Variants in CABLES1 observed in about 807,000 individuals in gnomAD.
CABLES1 encodes Cdk5 and Abl enzyme substrate 1, also known as CDK5 and ABL1 enzyme substrate 1.
Under a neutral mutation model 57.8 loss-of-function variants are expected in CABLES1, and 36 were observed. The ratio of observed to expected loss-of-function variants is 0.62; its 90% confidence interval spans 0.48 to 0.82. CABLES1 has a LOEUF of 0.82. Among genes scored for constraint, CABLES1 ranks in the 40% least tolerant of loss-of-function variants. The probability of loss-of-function intolerance (pLI) is 0.00; values close to 1 mark genes in which losing one functional copy is unlikely to be tolerated. For missense variants in CABLES1, 767 were observed against 836.6 expected (o/e 0.92, Z 1.03); for synonymous variants, 374 against 363.0 (o/e 1.03, Z -0.35).
At chr18:23,139,765 C>T (rs1039382045) in intron 1 of CABLES1, among the ~76,000 whole-genome samples, 5 of 152,168 alleles carry the variant, frequency 3.3e-5, no homozygotes, top group Non-Finnish European at 7.3e-5. Flanking sequence ...GATAATCTAA[C>T]TTAGTTGGGC....
intron 4 of CABLES1, chr18:23,219,308 A>G: frequency 2.2e-6 from 1 of 454,168 alleles, no homozygotes; most frequent in East Asian, 6.9e-5. Context: ...CAAAATAGCA[A>G]AAACATTGAG....
rs1568072595 is a variant in CABLES1 at position 23,218,592 on chromosome 18, CCG to C, written c.1088+4540_1088+4541del. Among the ~76,000 whole-genome samples, 63 of 91,422 alleles carry C rather than the reference CCG, an allele frequency of 6.9e-4. 1 individual carries two copies. Among genetic ancestry groups the C allele is most frequent in the African/African-American group, 3.0e-3 (62 of 20,750 alleles). The allele number at this position is 91,422 out of a possible 152,430, so 60.0% of individuals were successfully genotyped here. Reference sequence around the variant, plus strand: ...CCCGCATCCTCACTTGCCCTGCCTCCCGCATCCTCACTTGCCCTGGCTCCCGC... The same window carrying C: ...CCCGCATCCTCACTTGCCCTGCCTCCCATCCTCACTTGCCCTGGCTCCCGC... On this transcript the variant is annotated intron_variant, in intron 4 of 9. Coordinates refer to ENST00000256925, the MANE Select transcript of CABLES1 (RefSeq NM_001100619.3).
chr18:23,246,626 T>C (rs113985029), intron 7 of CABLES1, among the ~76,000 whole-genome samples: 3,179 of 151,212 alleles, frequency 0.021, 135 homozygotes, highest in African/African-American at 0.065. Context: ...CTCCTGACCT[T>C]GTGATCCGCC....
chr18:23,168,797 T>C (rs1161675664), intron 1 of CABLES1, among the ~76,000 whole-genome samples: 2 of 152,126 alleles, frequency 1.3e-5, no homozygotes, highest in Admixed American at 1.3e-4. Flanking sequence ...CCCTGGGTGC[T>C]GGAGAAGAGC....
chr18:23,239,993 C>T (rs1389787223), intron 7 of CABLES1, among the ~76,000 whole-genome samples: 4 of 152,194 alleles, frequency 2.6e-5, no homozygotes, highest in Admixed American at 6.5e-5. Flanking sequence ...TGTTGCGCGC[C>T]TGTAGTCCCA....
intron 1 of CABLES1, among the ~76,000 whole-genome samples, chr18:23,171,117 A>G (rs1465199746): frequency 6.6e-6 from 1 of 152,134 alleles, no homozygotes; most frequent in African/African-American, 2.4e-5. Context: ...TTAGAGATTA[A>G]GTTATTGGGG....
At position 23,257,319 on chromosome 18, in the gene CABLES1, C is replaced by A. The variant is rs749450484; in HGVS notation, c.1854C>A (p.Pro618=). The part of the protein sequence containing the change: ...LVALEFALHL[P]EHEVMPHYRR... ...CCTTGGAATTCGCCCTCCACTTGCC[C>A]GAGCACGAAGTCATGCCCCACTACA... is the stretch of plus-strand genomic sequence containing the variant. Residue 618 remains proline (P), a synonymous_variant, in exon 10 of 10, where the codon CCC becomes CCA. Transcript: ENST00000256925. 6.2e-7 allele frequency: 1 copy of A among 1,613,932 alleles called. No homozygotes were observed. Among genetic ancestry groups the A allele is most frequent in the Non-Finnish European group, 8.5e-7 (1 of 1,179,960 alleles).
chr18:23,181,115 TC>T (rs2047162350), intron 1 of CABLES1, among the ~76,000 whole-genome samples: 1 of 152,144 alleles, frequency 6.6e-6, no homozygotes, highest in African/African-American at 2.4e-5. Context: ...ACCCATAACC[TC>T]CTTGTCCTGG....
At chr18:23,198,326 A>G (rs913209002) in intron 3 of CABLES1, among the ~76,000 whole-genome samples, 1 of 152,220 alleles carries the variant, frequency 6.6e-6, no homozygotes, top group Non-Finnish European at 1.5e-5. Flanking sequence ...GTGTTTGTCA[A>G]ATAAATGAGT....
In CABLES1 at chr18:23,151,581, T is replaced by C. The variant is rs546652050; in HGVS notation, c.845+14974T>C. ...TAATTGGAGAGAAGCTCTTGAGTAA[T>C]CCACCGACAGATGGAAGACTGCAGG... is the stretch of plus-strand genomic sequence containing the variant. On this transcript the variant is annotated intron_variant, in intron 1 of 9. Coordinates refer to ENST00000256925, the MANE Select transcript of CABLES1 (RefSeq NM_001100619.3). Among the ~76,000 whole-genome samples the C allele has an allele frequency of 5.3e-5, 8 of 152,214 alleles. No homozygotes were observed. The South Asian group carries it at 1.7e-3, about 32-fold the overall frequency.
intron 1 of CABLES1, among the ~76,000 whole-genome samples, chr18:23,184,850 A>G (rs924645807): frequency 6.6e-6 from 1 of 152,186 alleles, no homozygotes; most frequent in Non-Finnish European, 1.5e-5. Flanking sequence ...CACATGGCAG[A>G]AAGGGAGCTA....
At position 23,188,851 on chromosome 18, in the gene CABLES1, TC is replaced by T; in HGVS notation, c.862del (p.Gln288ArgfsTer51). 1 of 1,613,946 alleles carries T rather than the reference TC, an allele frequency of 6.2e-7. No individual in the cohort carries two copies. Among genetic ancestry groups the T allele is most frequent in the Non-Finnish European group, 8.5e-7 (1 of 1,179,826 alleles). On this transcript the variant is annotated frameshift_variant, in exon 2 of 10. Transcript: ENST00000256925. LOFTEE classifies it high-confidence loss of function. The stretch of plus-strand genomic sequence containing the variant: ...TTCTTTCTGCAGACGGCGCCTCATC[TC>T]CCAGAGATCTTCCTTGGAGACCCTG... The part of the protein sequence containing the change: ...QLQRSRRRLI[S>X]QRSSLETLED...
intron 1 of CABLES1, among the ~76,000 whole-genome samples, chr18:23,154,730 G>T (rs2144966185): frequency 6.6e-6 from 1 of 152,250 alleles, no homozygotes; most frequent in East Asian, 1.9e-4. Context: ...GTAGAGCAGG[G>T]ATCCCTTCTA....
chr18:23,174,275 G>T (rs1053676678), intron 1 of CABLES1, among the ~76,000 whole-genome samples: 2 of 152,196 alleles, frequency 1.3e-5, no homozygotes, highest in Non-Finnish European at 2.9e-5. Context: ...GTTGTAGCAT[G>T]TATCAGTACT....
chr18:23,255,840 C>T (rs1380286322), intron 9 of CABLES1, among the ~76,000 whole-genome samples: 3 of 152,216 alleles, frequency 2.0e-5, no homozygotes, highest in South Asian at 4.2e-4. Context: ...GGATTTTAGG[C>T]GTGAGTCACC....
At chr18:23,234,557 C>A in intron 4 of CABLES1, 51 bp from the exon 5 acceptor site, 1 of 1,335,134 alleles carries the variant, frequency 7.5e-7, no homozygotes, top group Non-Finnish European at 1.1e-6. Context: ...CCTCATGGCT[C>A]TTTGAGGTGC....
chr18:23,144,368 T>G (rs1213024410), intron 1 of CABLES1, among the ~76,000 whole-genome samples: 1 of 152,212 alleles, frequency 6.6e-6, no homozygotes, highest in Non-Finnish European at 1.5e-5. Context: ...CACAACGTTC[T>G]AGGTCTTTGT....
At chr18:23,249,479 T>C (rs1389487446) in intron 7 of CABLES1, among the ~76,000 whole-genome samples, 2 of 152,176 alleles carry the variant, frequency 1.3e-5, no homozygotes, top group South Asian at 2.1e-4. Context: ...GGAAAACTTG[T>C]CATGGTGCAG....
chr18:23,186,674 G>A (rs2047205329), intron 1 of CABLES1, among the ~76,000 whole-genome samples: 1 of 152,024 alleles, frequency 6.6e-6, no homozygotes, highest in Admixed American at 6.5e-5. Context: ...CACCCACCTC[G>A]GCCTCCCAAA....
Sources: gnomAD v4.1 joint callset for allele counts (sites outside exome capture counted in the v4.1 genomes callset) on GRCh38, gnomAD v4.1.1 for gene constraint, MANE v1.5 for transcripts, NCBI Gene and HGNC (gene_info 2026-07-23, HGNC 2026-07-21) for gene names.